NALCN: variants seen among roughly 807,000 people sequenced by gnomAD.
NALCN encodes the protein sodium leak channel, non-selective, also known as sodium leak channel NALCN.
NALCN carries 111 observed loss-of-function variants against 225.3 expected under a neutral mutation model. The observed-to-expected ratio is 0.49, with a 90% CI of 0.42 to 0.58. The LOEUF (loss-of-function observed/expected upper bound fraction) is 0.58. Ranked by LOEUF, NALCN falls within the 20% of genes least tolerant of loss-of-function variation. The pLI, the probability that NALCN is intolerant of heterozygous loss-of-function variation, is 0.00. For missense variants in NALCN, 1,378 were observed against 2,202.4 expected (o/e 0.63, Z 7.49); for synonymous variants, 764 against 769.0 (o/e 0.99, Z 0.11).
intron 15 of NALCN, among the ~76,000 whole-genome samples, chr13:101,153,058 T>C (rs1759625219): frequency 6.6e-6 from 1 of 151,394 alleles, no homozygotes; most frequent in African/African-American, 2.4e-5. Flanking sequence ...AATTTTTCTC[T>C]TTTTTTTAAT....
rs951040285 is a variant in NALCN, at chr13:101,268,339, A to C, written c.1135-9765T>G. ...AGCATTTACATTATGGAAAGCAGAA[A>C]ATGCTAACAGTCAGGACTCCTGGAC... is the stretch of plus-strand genomic sequence containing the variant. On this transcript the variant is annotated intron_variant, in intron 10 of 43. Coordinates refer to ENST00000251127, the MANE Select transcript of NALCN (RefSeq NM_052867.4). Among the ~76,000 whole-genome samples the C allele has an allele frequency of 1.2e-3, 185 of 152,192 alleles. 2 individuals carry two copies. The highest frequency in any genetic ancestry group is 8.8e-5 in the Non-Finnish European group (6 of 67,980).
chr13:101,111,046 G>C (rs928614145), intron 19 of NALCN, 79 bp downstream of exon 19: 8 of 1,419,640 alleles, frequency 5.6e-6, no homozygotes, highest in Non-Finnish European at 2.9e-6. Context: ...GCTGACAGCC[G>C]TGACTGTGTA....
intron 13 of NALCN, among the ~76,000 whole-genome samples, chr13:101,202,105 C>G (rs1269255085): frequency 1.3e-5 from 2 of 152,186 alleles, no homozygotes; most frequent in East Asian, 3.8e-4. Context: ...AACCCACTGA[C>G]CTCATAATCC....
chr13:101,148,671 C>T (rs1028514702), intron 15 of NALCN, among the ~76,000 whole-genome samples: 11 of 152,278 alleles, frequency 7.2e-5, no homozygotes, highest in Middle Eastern at 3.4e-3. Flanking sequence ...CATTATTCCA[C>T]GGGCAGTGGC....
At position 101,355,552 on chromosome 13, in the gene NALCN, G is replaced by A. The variant is rs181187544; in HGVS notation, c.645-10132C>T. Among the ~76,000 whole-genome samples, 100 of 152,252 alleles carry A rather than the reference G, an allele frequency of 6.6e-4. 1 individual carries two copies. The highest frequency in any genetic ancestry group is 2.1e-3 in the African/African-American group (89 of 41,542). ...AGGAGCACCCAGATTCATAAAACAA[G>A]TTCTTAGAGATCCACAAAGAGACTT... On this transcript the variant is annotated intron_variant, in intron 6 of 43. Coordinates refer to ENST00000251127, the MANE Select transcript of NALCN (RefSeq NM_052867.4).
chr13:101,386,794 T>C (rs190214556), intron 3 of NALCN, among the ~76,000 whole-genome samples: 2 of 152,266 alleles, frequency 1.3e-5, no homozygotes, highest in African/African-American at 2.4e-5. Flanking sequence ...AGGTACACCA[T>C]AACATTGCCA....
At chr13:101,070,690 G>T (rs904091923) in intron 37 of NALCN, among the ~76,000 whole-genome samples, 4 of 152,128 alleles carry the variant, frequency 2.6e-5, no homozygotes, top group Non-Finnish European at 5.9e-5. Flanking sequence ...TCAAGAGTGG[G>T]CTTAAATATC....
At chr13:101,200,492 T>G (rs983839517) in intron 13 of NALCN, among the ~76,000 whole-genome samples, 5 of 152,180 alleles carry the variant, frequency 3.3e-5, no homozygotes, top group Non-Finnish European at 7.3e-5. Context: ...TAAGTTGAGA[T>G]TAAGAGCGTC....
chr13:101,344,124 A>T (rs1164846669), intron 7 of NALCN, among the ~76,000 whole-genome samples: 1 of 152,168 alleles, frequency 6.6e-6, no homozygotes, highest in Non-Finnish European at 1.5e-5. Context: ...CCCATACCAC[A>T]TCTGTGATTT....
At chr13:101,353,222 C>T (rs2045956192) in intron 6 of NALCN, among the ~76,000 whole-genome samples, 1 of 152,166 alleles carries the variant, frequency 6.6e-6, no homozygotes, top group Non-Finnish European at 1.5e-5. Context: ...TGATACCTTA[C>T]GTGGTGCTTG....
chr13:101,128,538 T>G (rs1380533700), intron 17 of NALCN, among the ~76,000 whole-genome samples: 1 of 152,012 alleles, frequency 6.6e-6, no homozygotes, highest in African/African-American at 2.4e-5. Context: ...ATTTGACCTA[T>G]AGTTTTTGAG....
intron 30 of NALCN, among the ~76,000 whole-genome samples, chr13:101,084,631 T>TG (rs1345603156): frequency 1.3e-5 from 2 of 152,198 alleles, no homozygotes; most frequent in African/African-American, 4.8e-5. Context: ...ATATCTGCAT[T>TG]GAACAGTATA....
At chr13:101,368,975 C>T in intron 6 of NALCN, 1 of 351,764 alleles carries the variant, frequency 2.8e-6, no homozygotes, top group Admixed American at 3.6e-5. Context: ...CACTGCACTC[C>T]AGCCTGGGTG....
chr13:101,152,041 A>C (rs904056436), intron 15 of NALCN, among the ~76,000 whole-genome samples: 1 of 152,144 alleles, frequency 6.6e-6, no homozygotes, highest in African/African-American at 2.4e-5. Context: ...TGTTTAAGTC[A>C]CTAATTTTTC....
chr13:101,143,751 AC>A (rs1162604780), intron 16 of NALCN, among the ~76,000 whole-genome samples: 2 of 152,200 alleles, frequency 1.3e-5, no homozygotes, highest in Non-Finnish European at 2.9e-5. Flanking sequence ...GGTGTGAGCC[AC>A]CGCACCCAGC....
intron 41 of NALCN, 115 bp from the exon 42 acceptor site, chr13:101,060,082 T>G (rs2031729142): frequency 2.6e-6 from 3 of 1,161,562 alleles, no homozygotes; most frequent in Admixed American, 2.3e-5. Context: ...ACGGGTGACC[T>G]CTTAGGAATT....
chr13:101,122,360 A>G lies in NALCN; in HGVS notation c.2192+2248T>C, dbSNP rs954105187. Among the ~76,000 whole-genome samples, 3 of 152,156 alleles carry G rather than the reference A, an allele frequency of 2.0e-5. No individual in the cohort carries two copies. The East Asian group carries it at 5.8e-4, about 29-fold the overall frequency. On this transcript the variant is annotated intron_variant, in intron 18 of 43. Transcript: ENST00000251127. ...TATTTCCTGAGTTTCAAAAGGTGAT[A>G]TAGCTCAGGTAGTTTTAAGGTGCTG...
In NALCN at chr13:101,089,934, A is replaced by C. The variant is rs769405774; in HGVS notation, c.3302T>G (p.Val1101Gly). The part of the protein sequence containing the change: ...ANPRNFNFDN[V>G]GNAMLALFEV... Reference sequence around the variant, plus strand: ...AAACAACGCCAGCATAGCGTTTCCCACATTGTCGAAATTAAAGTTCCGAGG... The same window carrying C: ...AAACAACGCCAGCATAGCGTTTCCCCCATTGTCGAAATTAAAGTTCCGAGG... The change falls in exon 29 of 44, where the codon GTG (valine) becomes GGG (glycine). Residue 1101 changes from valine to glycine, a missense_variant. Physicochemically the swap from Val to Gly is moderately radical, Grantham distance 109. Coordinates refer to ENST00000251127, the MANE Select transcript of NALCN (RefSeq NM_052867.4). This position sits in a 1 kb window ranked among gnomAD's most constrained non-coding sequence, Gnocchi z 4.7. 1 of 1,613,930 alleles carries C rather than the reference A, an allele frequency of 6.2e-7. No homozygotes were observed. Among genetic ancestry groups the C allele is most frequent in the Non-Finnish European group, 8.5e-7 (1 of 1,179,922 alleles).
At chr13:101,201,242 T>C (rs762452500) in intron 13 of NALCN, among the ~76,000 whole-genome samples, 5 of 152,228 alleles carry the variant, frequency 3.3e-5, no homozygotes, top group Admixed American at 2.6e-4. Context: ...AAGTGGGTTT[T>C]AGTTTATTCA....
Sources: allele counts gnomAD v4.1 joint callset (sites outside exome capture counted in the v4.1 genomes callset), GRCh38; gene constraint gnomAD v4.1.1; non-coding constraint Gnocchi (gnomAD v3.1); transcripts MANE v1.5; gene names NCBI Gene and HGNC (gene_info 2026-07-23, HGNC 2026-07-21).